Variants in NRXN1 observed in about 807,000 individuals in gnomAD.
NRXN1 encodes the protein neurexin 1, also known as neurexin-1.
Under a neutral mutation model 150.9 loss-of-function variants are expected in NRXN1, and 39 were observed. That is an observed-to-expected ratio of 0.26 (90% CI 0.20 to 0.34). The LOEUF is 0.34. NRXN1 is among the 10% of genes least tolerant of loss of function. The pLI, the probability that NRXN1 is intolerant of heterozygous loss-of-function variation, is 1.00. For missense variants in NRXN1, 1,815 were observed against 1,949.9 expected (o/e 0.93, Z 1.30); for synonymous variants, 924 against 757.0 (o/e 1.22, Z -3.62).
intron 17 of NRXN1, among the ~76,000 whole-genome samples, chr2:50,461,867 A>G (rs2088259241): frequency 6.6e-6 from 1 of 151,978 alleles, no homozygotes; most frequent in African/African-American, 2.4e-5. Flanking sequence ...AATGCATTCC[A>G]GGTGGAATGA....
chr2:50,785,259 T>TA (rs1388560621), intron 5 of NRXN1, among the ~76,000 whole-genome samples: 1 of 148,120 alleles, frequency 6.8e-6, no homozygotes, highest in Non-Finnish European at 1.5e-5. Flanking sequence ...TTTTTTTTTT[T>TA]TTTTTTTGAG....
intron 17 of NRXN1, among the ~76,000 whole-genome samples, chr2:50,395,702 T>C (rs2082010255): frequency 6.6e-6 from 1 of 152,168 alleles, no homozygotes; most frequent in African/African-American, 2.4e-5. Context: ...AAGCACTATA[T>C]CATATAAGTT....
intron 17 of NRXN1, among the ~76,000 whole-genome samples, chr2:50,423,203 G>A (rs991251137): frequency 6.6e-6 from 1 of 152,046 alleles, no homozygotes; most frequent in African/African-American, 2.4e-5. Context: ...CATCAAACCT[G>A]TGGTTCTTTC....
At chr2:50,106,374 C>G (rs1025245095) in intron 18 of NRXN1, among the ~76,000 whole-genome samples, 2 of 151,840 alleles carry the variant, frequency 1.3e-5, no homozygotes, top group Non-Finnish European at 2.9e-5. Flanking sequence ...AAAAATTAAC[C>G]AAAGAAAACC....
chr2:49,959,739 C>A (rs7572933), intron 21 of NRXN1, among the ~76,000 whole-genome samples: 13,192 of 152,150 alleles, frequency 0.087, 1,088 homozygotes, highest in African/African-American at 0.21. Flanking sequence ...GTTCCTGGTG[C>A]GTGATAAATT....
chr2:50,446,801 T>C (rs909919154), intron 17 of NRXN1, among the ~76,000 whole-genome samples: 1 of 152,076 alleles, frequency 6.6e-6, no homozygotes, highest in Non-Finnish European at 1.5e-5. Context: ...TTAATTGTTA[T>C]ACAAATATGC....
At chr2:50,479,694 G>A (rs2090295087) in intron 15 of NRXN1, among the ~76,000 whole-genome samples, 1 of 150,578 alleles carries the variant, frequency 6.6e-6, no homozygotes, top group Non-Finnish European at 1.5e-5. Flanking sequence ...TTTGTCCCTG[G>A]CTCTTTTTAC....
intron 18 of NRXN1, among the ~76,000 whole-genome samples, chr2:50,106,324 T>G (rs376365007): frequency 1.3e-5 from 2 of 152,050 alleles, no homozygotes; most frequent in East Asian, 3.9e-4. Context: ...TATGAATGCT[T>G]AATGCAAGGA....
intron 10 of NRXN1, among the ~76,000 whole-genome samples, chr2:50,535,823 T>C (rs2093243398): frequency 1.3e-5 from 2 of 152,170 alleles, no homozygotes; most frequent in Non-Finnish European, 2.9e-5. Flanking sequence ...TGCAACATAA[T>C]TTTTCCATGT....
intron 9 of NRXN1, among the ~76,000 whole-genome samples, chr2:50,545,968 GA>G (rs1331395789): frequency 7.9e-5 from 12 of 151,994 alleles, no homozygotes; most frequent in Admixed American, 7.9e-4. Flanking sequence ...ACAATGACAA[GA>G]AAAAATGTCT....
At chr2:50,844,635 A>C (rs1375720695) in intron 5 of NRXN1, among the ~76,000 whole-genome samples, 3 of 152,182 alleles carry the variant, frequency 2.0e-5, no homozygotes, top group African/African-American at 7.2e-5. Flanking sequence ...AAAAGTATAC[A>C]TCATATTATG....
intron 5 of NRXN1, among the ~76,000 whole-genome samples, chr2:50,893,841 G>T (rs1224180532): frequency 6.6e-6 from 1 of 152,104 alleles, no homozygotes; most frequent in Admixed American, 6.5e-5. Context: ...CTATGAGTGA[G>T]AATATGCGGT....
At chr2:49,938,743 C>G (rs1018734544) in intron 22 of NRXN1, among the ~76,000 whole-genome samples, 1 of 152,130 alleles carries the variant, frequency 6.6e-6, no homozygotes, top group Non-Finnish European at 1.5e-5. Flanking sequence ...GTCTGGTTCC[C>G]TTTGTAACAA....
chr2:50,459,036 T>C (rs1217076219), intron 17 of NRXN1, among the ~76,000 whole-genome samples: 1 of 152,118 alleles, frequency 6.6e-6, no homozygotes, highest in Non-Finnish European at 1.5e-5. Flanking sequence ...GTTGATGTAA[T>C]CTACATAAAT....
At chr2:50,149,500 A>C (rs1298360771) in intron 18 of NRXN1, among the ~76,000 whole-genome samples, 1 of 151,766 alleles carries the variant, frequency 6.6e-6, no homozygotes, top group African/African-American at 2.4e-5. Context: ...ACCTAGTGTC[A>C]ATGTGACTAT....
chr2:49,961,430 A>G (rs1245370785), intron 21 of NRXN1, among the ~76,000 whole-genome samples: 4 of 151,854 alleles, frequency 2.6e-5, no homozygotes, highest in South Asian at 4.2e-4. Flanking sequence ...CCCTGCCCTG[A>G]CCCTCCATTC....
chr2:50,036,563 T>G (rs2152572712), intron 21 of NRXN1, among the ~76,000 whole-genome samples: 1 of 152,304 alleles, frequency 6.6e-6, no homozygotes, highest in Non-Finnish European at 1.5e-5. Flanking sequence ...TTTTAGCTAT[T>G]AAATTTTATC....
intron 18 of NRXN1, among the ~76,000 whole-genome samples, chr2:50,113,545 T>A (rs1024989965): frequency 1.3e-5 from 2 of 152,226 alleles, no homozygotes; most frequent in Admixed American, 1.3e-4. Flanking sequence ...GGATTAACCA[T>A]AAACTGCCTT....
At chr2:50,863,708 T>G (rs2106047013) in intron 5 of NRXN1, among the ~76,000 whole-genome samples, 1 of 152,070 alleles carries the variant, frequency 6.6e-6, no homozygotes, top group South Asian at 2.1e-4. Context: ...CTCTCCCTAT[T>G]ATTGTGATTT....
Sources: gnomAD v4.1 joint callset for allele counts (sites outside exome capture counted in the v4.1 genomes callset) on GRCh38, gnomAD v4.1.1 for gene constraint, MANE v1.5 for transcripts, NCBI Gene and HGNC (gene_info 2026-07-23, HGNC 2026-07-21) for gene names.